Variants in ANK1 observed in about 807,000 individuals in gnomAD.
ANK1 encodes the protein ankyrin 1, also known as ankyrin-1.
Under a neutral mutation model 210.4 loss-of-function variants are expected in ANK1, and 51 were observed. The ratio of observed to expected loss-of-function variants is 0.24; its 90% CI spans 0.19 to 0.31. The LOEUF is 0.31. ANK1 is among the 10% of genes least tolerant of loss of function. ANK1 has a pLI of 1.00. For synonymous variants in ANK1, 967 were observed against 1,025.9 expected (o/e 0.94, Z 1.10); for missense variants, 2,051 against 2,504.4 (o/e 0.82, Z 3.86).
intron 2 of ANK1, among the ~76,000 whole-genome samples, chr8:41,737,833 G>A (rs992184061): frequency 3.9e-5 from 6 of 152,172 alleles, no homozygotes; most frequent in Non-Finnish European, 4.4e-5. Context: ...CGGGGCTGAG[G>A]AAGCACTTGT....
intron 3 of ANK1, 112 bp from the exon 4 acceptor site, chr8:41,728,118 G>T: frequency 1.1e-6 from 1 of 908,452 alleles, no homozygotes; most frequent in Non-Finnish European, 1.8e-6. Context: ...TTTCTTCATG[G>T]CCAAAAGGGG....
intron 1 of ANK1, among the ~76,000 whole-genome samples, chr8:41,842,189 T>A (rs1427475962): frequency 6.6e-6 from 1 of 152,082 alleles, no homozygotes; most frequent in Non-Finnish European, 1.5e-5. Context: ...TGCTGTGGCT[T>A]TCGAGTAAAG....
chr8:41,672,386 G>A lies in ANK1; in HGVS notation c.5064C>T (p.Thr1688=), dbSNP rs766159273. 8.1e-6 allele frequency: 13 copies of A among 1,614,046 alleles called. No individual in the cohort carries two copies. Among genetic ancestry groups the A allele is most frequent in the African/African-American group, 2.7e-5 (2 of 74,916 alleles). Reference sequence around the variant, plus strand: ...GACTCCTCTCCGTCACCTGACTCACGGTGGGGGAATGTGTGATTCGGGCTT... The same window carrying A: ...GACTCCTCTCCGTCACCTGACTCACAGTGGGGGAATGTGTGATTCGGGCTT... ...RGQARITHSP[T]VSQVTERSQD... Residue 1688 remains threonine, a synonymous_variant, in exon 38 of 43, where the codon ACC becomes ACT. Coordinates refer to ENST00000289734, the MANE Select transcript of ANK1 (RefSeq NM_000037.4).
chr8:41,837,951 C>T (rs1385157690), intron 1 of ANK1, among the ~76,000 whole-genome samples: 1 of 152,208 alleles, frequency 6.6e-6, no homozygotes, highest in African/African-American at 2.4e-5. Flanking sequence ...GGCTGCAGGG[C>T]AGGCTCTGGC....
At position 41,714,851 on chromosome 8, in the gene ANK1, C is replaced by A. The variant is rs1009330399; in HGVS notation, c.1701+125G>T. ...CTCCAGCCTGGGCAACAGAGCGAGACCCTGTCTCAAAGAAAAAAAAGATGA... is the reference window on the plus strand; with the variant it reads ...CTCCAGCCTGGGCAACAGAGCGAGAACCTGTCTCAAAGAAAAAAAAGATGA... On this transcript the variant is annotated intron_variant, in intron 15 of 42. Transcript: ENST00000289734. 4 of 1,007,532 alleles carry A rather than the reference C, an allele frequency of 4.0e-6. No homozygotes were observed. The Admixed American group carries it at 5.9e-5, about 15-fold the overall frequency. The allele number at this position is 1,007,532 out of a possible 1,614,324, so 62.4% of individuals were successfully genotyped here.
intron 1 of ANK1, among the ~76,000 whole-genome samples, chr8:41,789,974 A>C (rs1418598404): frequency 6.6e-6 from 1 of 152,104 alleles, no homozygotes; most frequent in African/African-American, 2.4e-5. Flanking sequence ...TCCTGGGCTG[A>C]ACCTGTCGCC....
chr8:41,684,586 G>T lies in ANK1; in HGVS notation c.4495C>A (p.His1499Asn). The T allele has an allele frequency of 3.1e-6, 5 of 1,613,766 alleles. No individual in the cohort carries two copies. The highest frequency in any genetic ancestry group is 4.2e-6 in the Non-Finnish European group (5 of 1,180,042). ...GACAGCGAGTAGTCGCGGTCGGTGTGCCGCCTGTCTGGCTTCAAGTTGCGG... is the reference window on the plus strand; with the variant it reads ...GACAGCGAGTAGTCGCGGTCGGTGTTCCGCCTGTCTGGCTTCAAGTTGCGG... ...QSRNLKPDRR[H>N]TDRDYSLSPS... is the part of the protein sequence containing the mutation. Residue 1499 changes from histidine to asparagine, a missense_variant, in exon 37 of 43, where the codon CAC becomes AAC. Coordinates refer to ENST00000289734, the MANE Select transcript of ANK1 (RefSeq NM_000037.4).
rs1530327 is a variant in ANK1, at chr8:41,694,372, G to A, written c.3327+220C>T. Among the ~76,000 whole-genome samples the A allele has an allele frequency of 2.6e-4, 39 of 152,342 alleles. No homozygotes were observed. The highest frequency in any genetic ancestry group is 1.4e-3 in the East Asian group (7 of 5,182). ...TCCTGCATGCTGCACAGACTGGGCC[G>A]TGCAGCTTGATGGGTTACCAGGGGT... On this transcript the variant is annotated intron_variant, in intron 28 of 42. Transcript: ENST00000289734. This position sits in a 1 kb window ranked among gnomAD's most constrained non-coding sequence, Gnocchi z 5.7.
chr8:41,674,893 T>C (rs971820961), intron 37 of ANK1, among the ~76,000 whole-genome samples: 1 of 152,086 alleles, frequency 6.6e-6, no homozygotes, highest in African/African-American at 2.4e-5. Context: ...GTGGGTCACA[T>C]CTTACCATGA....
chr8:41,833,198 C>T (rs1207541216), intron 1 of ANK1, among the ~76,000 whole-genome samples: 1 of 152,180 alleles, frequency 6.6e-6, no homozygotes, highest in African/African-American at 2.4e-5. Flanking sequence ...CCATCAGACC[C>T]TCTCAGAGGA....
intron 17 of ANK1, 89 bp downstream of exon 17, chr8:41,708,689 A>G: frequency 6.8e-7 from 1 of 1,460,536 alleles, no homozygotes. Context: ...CCCCTAACTC[A>G]GAACCTGGGC....
upstream of ANK1, among the ~76,000 whole-genome samples, chr8:41,802,134 C>T (rs746465631): frequency 5.3e-5 from 8 of 152,154 alleles, no homozygotes; most frequent in South Asian, 4.1e-4. Flanking sequence ...GGACTACAGG[C>T]ACTCACCACC....
intron 1 of ANK1, among the ~76,000 whole-genome samples, chr8:41,840,636 T>C (rs1808714189): frequency 6.6e-6 from 1 of 152,164 alleles, no homozygotes; most frequent in African/African-American, 2.4e-5. Context: ...AGCTCTGGTG[T>C]CTCTTCGTCT....
At chr8:41,690,144 A>T in intron 33 of ANK1, 83 bp downstream of exon 33, 1 of 1,595,638 alleles carries the variant, frequency 6.3e-7, no homozygotes, top group South Asian at 1.1e-5. Flanking sequence ...AGCCCCTTGG[A>T]AGTGCTGGAC....
intron 1 of ANK1, among the ~76,000 whole-genome samples, chr8:41,827,783 GCC>G (rs1805695259): frequency 7.0e-6 from 1 of 142,250 alleles, no homozygotes; most frequent in African/African-American, 2.6e-5. Context: ...ACATGCTCAC[GCC>G]CACACACATG....
At chr8:41,796,678 G>A (rs553166613) in intron 1 of ANK1, among the ~76,000 whole-genome samples, 45 of 150,938 alleles carry the variant, frequency 3.0e-4, no homozygotes, top group African/African-American at 1.0e-3. Flanking sequence ...CCCTGCCCGC[G>A]ACTAAACCAG....
chr8:41,878,012 G>A (rs781681253), intron 1 of ANK1, among the ~76,000 whole-genome samples: 9 of 152,180 alleles, frequency 5.9e-5, no homozygotes, highest in Non-Finnish European at 8.8e-5. Context: ...TCAGTGACTA[G>A]GCTATTGCAA....
At chr8:41,848,669 C>G (rs1484891100) in intron 1 of ANK1, among the ~76,000 whole-genome samples, 2 of 152,178 alleles carry the variant, frequency 1.3e-5, no homozygotes, top group Non-Finnish European at 2.9e-5. Flanking sequence ...AATATCTCAC[C>G]CTTTTTGAAA....
intron 1 of ANK1, 135 bp from the exon 2 acceptor site, chr8:41,758,272 G>A (rs1839649298): frequency 5.0e-6 from 4 of 798,650 alleles, no homozygotes; most frequent in African/African-American, 3.4e-5. Flanking sequence ...GACACCAGGT[G>A]TGCACAGGAG....
Sources: gnomAD v4.1 joint callset for allele counts (sites outside exome capture counted in the v4.1 genomes callset) on GRCh38, gnomAD v4.1.1 for gene constraint, Gnocchi (gnomAD v3.1) non-coding constraint, MANE v1.5 for transcripts, NCBI Gene and HGNC (gene_info 2026-07-23, HGNC 2026-07-21) for gene names.